LRRTM4: variants seen among roughly 807,000 people sequenced by gnomAD.
The protein encoded by LRRTM4 is leucine-rich repeat transmembrane neuronal protein 4.
In LRRTM4, 25 loss-of-function variants were observed where a neutral mutation model predicts 47.6. That is an observed-to-expected ratio of 0.53 (90% CI 0.38 to 0.73). The LOEUF (loss-of-function observed/expected upper bound fraction) is 0.73. Among genes scored for constraint, LRRTM4 ranks in the 30% least tolerant of loss-of-function variants. The pLI is 0.00. For missense variants in LRRTM4, 638 were observed against 713.4 expected (o/e 0.89, Z 1.20); for synonymous variants, 311 against 269.5 (o/e 1.15, Z -1.51).
chr2:76,914,197 C>T (rs1347800011), intron 3 of LRRTM4, among the ~76,000 whole-genome samples: 1 of 151,850 alleles, frequency 6.6e-6, no homozygotes. Context: ...TGATATTCCC[C>T]TAAAGCTCCG....
intron 3 of LRRTM4, among the ~76,000 whole-genome samples, chr2:77,200,313 G>A (rs1355484805): frequency 2.6e-5 from 4 of 152,164 alleles, no homozygotes; most frequent in East Asian, 3.9e-4. Context: ...TCTTACTAAT[G>A]TAACTTTCAA....
At chr2:76,853,834 T>G (rs1181605890) in intron 3 of LRRTM4, among the ~76,000 whole-genome samples, 3 of 152,162 alleles carry the variant, frequency 2.0e-5, no homozygotes, top group African/African-American at 7.2e-5. Flanking sequence ...CATACTACAG[T>G]AGATCCTACA....
intron 3 of LRRTM4, among the ~76,000 whole-genome samples, chr2:76,935,167 G>C (rs1216654783): frequency 1.3e-5 from 2 of 152,024 alleles, no homozygotes; most frequent in Non-Finnish European, 2.9e-5. Flanking sequence ...GTAAGTAATG[G>C]GACACAGTAT....
At chr2:77,015,925 T>G (rs1200520317) in intron 3 of LRRTM4, among the ~76,000 whole-genome samples, 1 of 151,976 alleles carries the variant, frequency 6.6e-6, no homozygotes, top group Non-Finnish European at 1.5e-5. Context: ...GAGACCAGCC[T>G]GGCCAACATA....
intron 3 of LRRTM4, among the ~76,000 whole-genome samples, chr2:76,791,347 T>G (rs1019981788): frequency 6.6e-6 from 1 of 151,624 alleles, no homozygotes; most frequent in South Asian, 2.1e-4. Flanking sequence ...AACATTCCCA[T>G]GTAGATTTGT....
At chr2:77,193,224 G>C (rs1558627338) in intron 3 of LRRTM4, among the ~76,000 whole-genome samples, 1 of 152,092 alleles carries the variant, frequency 6.6e-6, no homozygotes, top group African/African-American at 2.4e-5. Context: ...ATATAGTCTA[G>C]GTGTGTAGCA....
intron 3 of LRRTM4, among the ~76,000 whole-genome samples, chr2:77,237,484 C>T (rs1400113959): frequency 6.6e-6 from 1 of 151,982 alleles, no homozygotes; most frequent in East Asian, 1.9e-4. Context: ...ATCTTATTTA[C>T]AGAACCATGC....
intron 3 of LRRTM4, among the ~76,000 whole-genome samples, chr2:77,052,932 G>C (rs1267013120): frequency 6.6e-6 from 1 of 151,862 alleles, no homozygotes; most frequent in East Asian, 1.9e-4. Context: ...AAGGTGTTAG[G>C]CCCATTCAAT....
chr2:76,994,027 GTTATCAC>G (rs1677107855), intron 3 of LRRTM4, among the ~76,000 whole-genome samples: 1 of 151,838 alleles, frequency 6.6e-6, no homozygotes, highest in African/African-American at 2.4e-5. Flanking sequence ...AACACCACAT[GTTATCAC>G]TTATAAGTGG....
At chr2:77,116,617 C>T (rs1020405220) in intron 3 of LRRTM4, among the ~76,000 whole-genome samples, 1 of 152,108 alleles carries the variant, frequency 6.6e-6, no homozygotes, top group East Asian at 1.9e-4. Flanking sequence ...CATTTGTTCA[C>T]ATTATAGGGA....
At chr2:77,208,810 C>T (rs996801029) in intron 3 of LRRTM4, among the ~76,000 whole-genome samples, 1 of 151,984 alleles carries the variant, frequency 6.6e-6, no homozygotes, top group Non-Finnish European at 1.5e-5. Context: ...TTTATAGGAG[C>T]TGGAACGGTA....
chr2:77,406,375 G>T (rs1674182985), intron 3 of LRRTM4, among the ~76,000 whole-genome samples: 1 of 152,048 alleles, frequency 6.6e-6, no homozygotes, highest in Non-Finnish European at 1.5e-5. Context: ...AGGCTGGAAT[G>T]CAGTGATGTG....
intron 3 of LRRTM4, among the ~76,000 whole-genome samples, chr2:77,018,981 G>T (rs1316752728): frequency 6.6e-6 from 1 of 151,774 alleles, no homozygotes; most frequent in Admixed American, 6.6e-5. Context: ...CATTACTTCA[G>T]TTTCTAAAGA....
At position 77,183,953 on chromosome 2, in the gene LRRTM4, G is replaced by A. The variant is rs147255773; in HGVS notation, c.1551+334365C>T. Among the ~76,000 whole-genome samples, 464 of 152,158 alleles carry A rather than the reference G, an allele frequency of 3.0e-3. 10 individuals are homozygous for A. In the East Asian group the frequency reaches 0.065, roughly 21 times the overall value. On this transcript the variant is annotated intron_variant, in intron 3 of 3. Coordinates refer to ENST00000409884, the MANE Select transcript of LRRTM4 (RefSeq NM_001134745.3). The stretch of plus-strand genomic sequence containing the variant: ...GTCGTGGGTTGGGGAGAGGGGGAAT[G>A]GATAGAATTAGGAGATATACCTAAT...
chr2:77,067,464 T>C (rs1338402034), intron 3 of LRRTM4, among the ~76,000 whole-genome samples: 1 of 151,830 alleles, frequency 6.6e-6, no homozygotes, highest in East Asian at 1.9e-4. Flanking sequence ...TCAGGCAGTG[T>C]GGGTGGGGGG....
intron 3 of LRRTM4, among the ~76,000 whole-genome samples, chr2:77,314,880 A>G (rs150262373): frequency 2.0e-5 from 3 of 152,308 alleles, no homozygotes; most frequent in African/African-American, 7.2e-5. Context: ...GCAACGAGCC[A>G]AAGCTTCCAG....
chr2:77,390,405 T>G (rs1044715506), intron 3 of LRRTM4, among the ~76,000 whole-genome samples: 2 of 152,096 alleles, frequency 1.3e-5, no homozygotes, highest in African/African-American at 4.8e-5. Flanking sequence ...TGTTTTATCT[T>G]ATTGTATTTT....
At chr2:77,057,684 T>G (rs1161593095) in intron 3 of LRRTM4, among the ~76,000 whole-genome samples, 1 of 152,146 alleles carries the variant, frequency 6.6e-6, no homozygotes, top group Admixed American at 6.6e-5. Context: ...CTTCCCCTAC[T>G]CCATTAAATC....
chr2:76,989,308 C>T (rs1676920020), intron 3 of LRRTM4, among the ~76,000 whole-genome samples: 1 of 151,706 alleles, frequency 6.6e-6, no homozygotes, highest in Non-Finnish European at 1.5e-5. Flanking sequence ...TACTAGTTTT[C>T]CACAAAAACA....
Sources: allele counts gnomAD v4.1 joint callset (sites outside exome capture counted in the v4.1 genomes callset), GRCh38; gene constraint gnomAD v4.1.1; transcripts MANE v1.5; gene names NCBI Gene and HGNC (gene_info 2026-07-23, HGNC 2026-07-21).